The following ELP3 variants were observed in gnomAD, a reference collection of about 807,000 sequenced individuals.
ELP3 encodes elongator complex protein 3.
A neutral mutation model predicts 74.9 loss-of-function variants in ELP3; 56 were observed. That is an observed-to-expected ratio of 0.75 (90% CI 0.60 to 0.93). ELP3 has a LOEUF of 0.93. Ranked by LOEUF, ELP3 falls within the 40% of genes least tolerant of loss-of-function variation. The pLI is 0.00. For synonymous variants in ELP3, 222 were observed against 239.8 expected (o/e 0.93, Z 0.68); for missense variants, 573 against 686.5 (o/e 0.83, Z 1.85).
intron 6 of ELP3, among the ~76,000 whole-genome samples, chr8:28,111,614 T>A (rs1475340669): frequency 6.6e-6 from 1 of 152,228 alleles, no homozygotes; most frequent in Non-Finnish European, 1.5e-5. Flanking sequence ...GAGCCCACAT[T>A]TTTCCAAACA....
chr8:28,117,481 AGTGCCAG>A (rs1387312237), intron 7 of ELP3, among the ~76,000 whole-genome samples: 1 of 152,180 alleles, frequency 6.6e-6, no homozygotes, highest in Non-Finnish European at 1.5e-5. Flanking sequence ...TATTCTAGGC[AGTGCCAG>A]TGTTGTTTTG....
At chr8:28,150,167 G>A (rs1813586380) in intron 10 of ELP3, among the ~76,000 whole-genome samples, 1 of 152,034 alleles carries the variant, frequency 6.6e-6, no homozygotes, top group Non-Finnish European at 1.5e-5. Flanking sequence ...TTGTATATAT[G>A]TATGTATATA....
chr8:28,103,176 A>AG lies in ELP3; in HGVS notation c.258+3210_258+3211insG, dbSNP rs1254814558. 4.8e-5 allele frequency among the ~76,000 whole-genome samples: 7 copies of AG among 147,214 alleles called. No individual in the cohort carries two copies. In the East Asian group the frequency reaches 1.4e-3, roughly 29 times the overall value. The stretch of plus-strand genomic sequence containing the variant: ...CAGAGCGAGATTCTGTCTCAAAAAA[A>AG]CAAACAAACAAACAAACAAACAAAA... On this transcript the variant is annotated intron_variant, in intron 3 of 14. Coordinates refer to ENST00000256398, the MANE Select transcript of ELP3 (RefSeq NM_018091.6).
At chr8:28,116,511 G>A (rs1348449760) in intron 7 of ELP3, among the ~76,000 whole-genome samples, 1 of 152,196 alleles carries the variant, frequency 6.6e-6, no homozygotes. Context: ...AGGCCAAGGC[G>A]GGCAGATAGC....
intron 7 of ELP3, among the ~76,000 whole-genome samples, chr8:28,126,074 A>T (rs1306798245): frequency 2.0e-5 from 3 of 152,054 alleles, no homozygotes; most frequent in Non-Finnish European, 4.4e-5. Flanking sequence ...GACATGTTTG[A>T]GCCTGCTGGC....
intron 8 of ELP3, among the ~76,000 whole-genome samples, chr8:28,130,302 A>T (rs1812741121): frequency 6.6e-6 from 1 of 152,176 alleles, no homozygotes; most frequent in Non-Finnish European, 1.5e-5. Flanking sequence ...ATTGACCGAG[A>T]ATTCTAACGG....
intron 10 of ELP3, among the ~76,000 whole-genome samples, chr8:28,154,136 GT>G (rs1271266981): frequency 5.9e-5 from 9 of 152,166 alleles, no homozygotes; most frequent in African/African-American, 2.2e-4. Flanking sequence ...TTGAGTTATA[GT>G]GCTGTCCATG....
Position 28,113,170 on chromosome 8 carries a change from T to C in ELP3, c.614T>C (p.Val205Ala). 6.2e-7 allele frequency: 1 copy of C among 1,612,518 alleles called. No individual in the cohort carries two copies. The highest frequency in any genetic ancestry group is 8.5e-7 in the Non-Finnish European group (1 of 1,179,288). Residue 205 changes from valine (V) to alanine (A), a missense_variant, in exon 7 of 15, where the codon GTC (valine) becomes GCC (alanine). Val to Ala is a moderately conservative substitution (Grantham distance 64, BLOSUM62 0). Coordinates refer to ENST00000256398, the MANE Select transcript of ELP3 (RefSeq NM_018091.6). ...GHTSNNIYEA[V>A]KYSERSLTKC... ...ACTTCCAACAATATTTACGAGGCAG[T>C]CAAGTAAGAAATTCTTATTTTATCA...
chr8:28,093,294 A>G, intron 1 of ELP3, 61 bp downstream of exon 1: 1 of 1,602,006 alleles, frequency 6.2e-7, no homozygotes, highest in Non-Finnish European at 8.5e-7. Flanking sequence ...CGCCCAGGCA[A>G]TCAAATGCTG....
intron 3 of ELP3, among the ~76,000 whole-genome samples, chr8:28,101,559 A>G (rs1008242858): frequency 6.6e-6 from 1 of 150,940 alleles, no homozygotes; most frequent in Non-Finnish European, 1.5e-5. Flanking sequence ...ATAAAATAAC[A>G]TTCTTTACAT....
intron 4 of ELP3, among the ~76,000 whole-genome samples, chr8:28,106,994 A>G (rs1270188528): frequency 6.6e-6 from 1 of 152,202 alleles, no homozygotes; most frequent in African/African-American, 2.4e-5. Context: ...TACGCCTATA[A>G]TCCCAGCATT....
intron 9 of ELP3, among the ~76,000 whole-genome samples, chr8:28,135,120 G>A (rs1327999474): frequency 2.6e-5 from 4 of 152,098 alleles, no homozygotes; most frequent in Non-Finnish European, 4.4e-5. Context: ...AGTAGAGACG[G>A]GGTTTCACCA....
chr8:28,145,126 C>T (rs1357531371), intron 10 of ELP3, among the ~76,000 whole-genome samples: 5 of 152,154 alleles, frequency 3.3e-5, no homozygotes, highest in Non-Finnish European at 7.4e-5. Flanking sequence ...ATGTTAATTG[C>T]TAACTTAAAC....
intron 7 of ELP3, 130 bp from the exon 8 acceptor site, chr8:28,129,372 C>T (rs1324200214): frequency 1.2e-6 from 1 of 861,490 alleles, no homozygotes; most frequent in Non-Finnish European, 1.8e-6. Flanking sequence ...TGAACTCAGG[C>T]AGCCTGGCTC....
At chr8:28,175,183 A>G (rs1170047440) in intron 14 of ELP3, among the ~76,000 whole-genome samples, 3 of 152,174 alleles carry the variant, frequency 2.0e-5, no homozygotes, top group Non-Finnish European at 2.9e-5. Context: ...ATGTCTTTCA[A>G]CAAATTTGGG....
At chr8:28,143,904 T>C (rs1397034619) in intron 10 of ELP3, among the ~76,000 whole-genome samples, 1 of 152,238 alleles carries the variant, frequency 6.6e-6, no homozygotes, top group African/African-American at 2.4e-5. Context: ...AATATTGATA[T>C]GGCTTTCCAA....
rs557968159 is a variant in ELP3 at position 28,147,158 on chromosome 8, C to T, written c.1101-8784C>T. ...TATCATACAGTTCTGCTTACCAACA[C>T]TGTATGTAAAACCTTCCCTAGAGAG... On this transcript the variant is annotated intron_variant, in intron 10 of 14. Transcript: ENST00000256398. This position sits in a 1 kb window ranked among gnomAD's most constrained non-coding sequence, Gnocchi z 4.5. Among the ~76,000 whole-genome samples, 1 of 152,340 alleles carries T rather than the reference C, an allele frequency of 6.6e-6. No homozygotes were observed. The highest frequency in any genetic ancestry group is 2.4e-5 in the African/African-American group (1 of 41,584).
intron 10 of ELP3, among the ~76,000 whole-genome samples, chr8:28,141,513 A>G (rs1045298074): frequency 3.9e-5 from 6 of 152,170 alleles, no homozygotes; most frequent in Admixed American, 1.3e-4. Context: ...GTGAAACTCA[A>G]ATGGGGTCTA....
At chr8:28,111,966 A>G (rs1045410206) in intron 6 of ELP3, among the ~76,000 whole-genome samples, 2 of 152,110 alleles carry the variant, frequency 1.3e-5, no homozygotes, top group African/African-American at 4.8e-5. Flanking sequence ...TTTAGTGTTG[A>G]TATATATGTA....
Sources: gnomAD v4.1 joint callset for allele counts (sites outside exome capture counted in the v4.1 genomes callset) on GRCh38, gnomAD v4.1.1 for gene constraint, Gnocchi (gnomAD v3.1) non-coding constraint, MANE v1.5 for transcripts, NCBI Gene and HGNC (gene_info 2026-07-23, HGNC 2026-07-21) for gene names.